The following SIMC1 variants were observed in gnomAD, a reference collection of about 807,000 sequenced individuals.
SIMC1 encodes the protein SUMO-interacting motif-containing protein 1.
A neutral mutation model predicts 82.3 loss-of-function variants in SIMC1; 55 were observed. The ratio of observed to expected loss-of-function variants is 0.67; its 90% CI spans 0.54 to 0.84. The LOEUF is 0.84. SIMC1 is among the 40% of genes least tolerant of loss of function. The pLI is 0.00. For missense variants in SIMC1, 915 were observed against 1,107.2 expected (o/e 0.83, Z 2.46); for synonymous variants, 353 against 426.3 (o/e 0.83, Z 2.12).
At chr5:176,245,700 G>A (rs1387370807) in intron 1 of SIMC1, among the ~76,000 whole-genome samples, 1 of 152,114 alleles carries the variant, frequency 6.6e-6, no homozygotes, top group African/African-American at 2.4e-5. Context: ...ATTCAGGAAT[G>A]GCATTGCAAC....
chr5:176,279,378 G>C (rs1001298680), intron 1 of SIMC1, among the ~76,000 whole-genome samples: 31 of 151,592 alleles, frequency 2.0e-4, no homozygotes, highest in African/African-American at 7.0e-4. Flanking sequence ...TTCTTTATTA[G>C]TCTTGCTAGC....
Position 176,322,259 on chromosome 5 carries a change from T to A in SIMC1, c.1890-14T>A. On this transcript the variant is annotated splice_polypyrimidine_tract_variant and intron_variant, in intron 5 of 9. Coordinates refer to ENST00000429602, the MANE Select transcript of SIMC1 (RefSeq NM_001308195.2). ...AAGAAAGAATAAACCTTTTCTTTCT[T>A]TTTTCCATTACAGGGATGTTATCAA... is the stretch of plus-strand genomic sequence containing the variant. The A allele has an allele frequency of 6.5e-7, 1 of 1,540,916 alleles. No individual in the cohort carries two copies. Among genetic ancestry groups the A allele is most frequent in the South Asian group, 1.2e-5 (1 of 82,360 alleles).
intron 1 of SIMC1, among the ~76,000 whole-genome samples, chr5:176,275,410 A>G (rs1385491624): frequency 1.6e-4 from 25 of 151,886 alleles, no homozygotes; most frequent in African/African-American, 2.4e-4. Flanking sequence ...CAATCATGTC[A>G]TCTGCAAACA....
chr5:176,255,043 G>A (rs1446703211), intron 1 of SIMC1, among the ~76,000 whole-genome samples: 21 of 151,882 alleles, frequency 1.4e-4, no homozygotes, highest in Non-Finnish European at 2.1e-4. Context: ...TTGGGAGGCC[G>A]AGGTGAGCAG....
intron 7 of SIMC1, among the ~76,000 whole-genome samples, chr5:176,326,455 ACTC>A (rs1265939230): frequency 6.6e-6 from 1 of 151,100 alleles, no homozygotes; most frequent in Non-Finnish European, 1.5e-5. Context: ...CTAGTTTTGA[ACTC>A]CTGGGCTCAA....
At chr5:176,284,314 A>G (rs1763162466) in intron 1 of SIMC1, among the ~76,000 whole-genome samples, 1 of 152,230 alleles carries the variant, frequency 6.6e-6, no homozygotes. Flanking sequence ...AGAAATTATA[A>G]CAAACTGTTT....
chr5:176,269,269 T>C (rs1199299218), intron 1 of SIMC1, among the ~76,000 whole-genome samples: 2 of 152,090 alleles, frequency 1.3e-5, no homozygotes, highest in Non-Finnish European at 2.9e-5. Flanking sequence ...ATAAAGTTGA[T>C]AAATATCTAG....
intron 1 of SIMC1, among the ~76,000 whole-genome samples, chr5:176,249,857 A>C (rs1489094927): frequency 6.6e-6 from 1 of 151,156 alleles, no homozygotes; most frequent in South Asian, 2.1e-4. Flanking sequence ...AAAAAAAAAA[A>C]AAAAAAACCA....
chr5:176,256,494 ATAGT>A lies in SIMC1; in HGVS notation c.129+17862_129+17865del, dbSNP rs369726096. Reference sequence around the variant, plus strand: ...CTTTAGTTTTGTCCTTCTTTCTTAAATAGTTAGTCATTTTACTTAAGGATAAAAT... The same window carrying A: ...CTTTAGTTTTGTCCTTCTTTCTTAAATAGTCATTTTACTTAAGGATAAAAT... On this transcript the variant is annotated intron_variant, in intron 1 of 9. Coordinates refer to ENST00000429602, the MANE Select transcript of SIMC1 (RefSeq NM_001308195.2). Among the ~76,000 whole-genome samples, 48 of 152,244 alleles carry A rather than the reference ATAGT, an allele frequency of 3.2e-4. 1 individual carries two copies. In the South Asian group the frequency reaches 4.2e-3, roughly 13 times the overall value.
intron 1 of SIMC1, among the ~76,000 whole-genome samples, chr5:176,242,744 G>A (rs1761314752): frequency 6.6e-6 from 1 of 151,836 alleles, no homozygotes; most frequent in East Asian, 1.9e-4. Context: ...GTCACCCCTA[G>A]GTATTGTTAC....
At chr5:176,273,059 T>C (rs2113186848) in intron 1 of SIMC1, among the ~76,000 whole-genome samples, 1 of 152,320 alleles carries the variant, frequency 6.6e-6, no homozygotes, top group South Asian at 2.1e-4. Context: ...TAAATGTCCC[T>C]ATCTGACAGC....
chr5:176,268,227 T>A, intron 1 of SIMC1, among the ~76,000 whole-genome samples: 1 of 95,912 alleles, frequency 1.0e-5, no homozygotes, highest in African/African-American at 4.2e-5. Context: ...TAAAGGGAGG[T>A]AGGAAAAGAG....
At chr5:176,308,305 G>C in intron 4 of SIMC1, 1 of 1,460,142 alleles carries the variant, frequency 6.8e-7, no homozygotes, top group Non-Finnish European at 9.6e-7. Context: ...TCATCTTAAC[G>C]ACGTTCTGAT....
At chr5:176,310,663 G>A (rs1168843179) in intron 4 of SIMC1, among the ~76,000 whole-genome samples, 1 of 152,196 alleles carries the variant, frequency 6.6e-6, no homozygotes, top group East Asian at 1.9e-4. Context: ...TGTGGGGTAT[G>A]TATGACTATA....
chr5:176,291,874 G>A (rs1243035673), intron 2 of SIMC1, among the ~76,000 whole-genome samples: 2 of 152,290 alleles, frequency 1.3e-5, no homozygotes, highest in South Asian at 4.1e-4. Context: ...AGGGTGTCAG[G>A]CTCATCGTAG....
rs1407202582 is a variant in SIMC1, at chr5:176,290,660, A to G, written c.1136A>G (p.Gln379Arg). ...CCTGACTTTACCCAGAATGATGTAC[A>G]GAACCGTGACATGCCTATGGATATC... is the stretch of plus-strand genomic sequence containing the variant. The part of the protein sequence containing the change: ...DRPDFTQNDV[Q>R]NRDMPMDISA... Residue 379 changes from glutamine to arginine, a missense_variant, in exon 2 of 10, where the codon CAG (glutamine) becomes CGG (arginine). Physicochemically the swap from Gln to Arg is conservative, Grantham distance 43. Transcript: ENST00000429602. The G allele has an allele frequency of 1.2e-6, 2 of 1,614,052 alleles. No individual in the cohort carries two copies. The highest frequency in any genetic ancestry group is 1.1e-5 in the South Asian group (1 of 91,090).
rs181894235 is a variant in SIMC1 at position 176,261,615 on chromosome 5, G to A, written c.129+22978G>A. On this transcript the variant is annotated intron_variant, in intron 1 of 9. Coordinates refer to ENST00000429602, the MANE Select transcript of SIMC1 (RefSeq NM_001308195.2). ...TACAAAAAATTAGCCAGGTGTGGTGGCATGCACCTGTAATCCCAGCTACTC... is the reference window on the plus strand; with the variant it reads ...TACAAAAAATTAGCCAGGTGTGGTGACATGCACCTGTAATCCCAGCTACTC... Among the ~76,000 whole-genome samples, 382 of 151,928 alleles carry A rather than the reference G, an allele frequency of 2.5e-3. 3 individuals are homozygous for A. Among genetic ancestry groups the A allele is most frequent in the African/African-American group, 8.7e-3 (361 of 41,422 alleles).
intron 1 of SIMC1, among the ~76,000 whole-genome samples, chr5:176,281,908 C>T (rs927667652): frequency 6.6e-6 from 1 of 152,200 alleles, no homozygotes; most frequent in East Asian, 1.9e-4. Flanking sequence ...AGGCAGTCTG[C>T]CCGTTCTCAG....
chr5:176,280,760 C>T (rs1762966409), intron 1 of SIMC1, among the ~76,000 whole-genome samples: 1 of 152,128 alleles, frequency 6.6e-6, no homozygotes, highest in Non-Finnish European at 1.5e-5. Flanking sequence ...ATACTGGCCC[C>T]CAGTCTCTTC....
Sources: allele counts gnomAD v4.1 joint callset (sites outside exome capture counted in the v4.1 genomes callset), GRCh38; gene constraint gnomAD v4.1.1; transcripts MANE v1.5; gene names NCBI Gene and HGNC (gene_info 2026-07-23, HGNC 2026-07-21).